The following KCTD20 variants were observed in gnomAD, a reference collection of about 807,000 sequenced individuals.
KCTD20 encodes potassium channel tetramerization domain containing 20, also known as BTB/POZ domain-containing protein KCTD20.
In KCTD20, 30 loss-of-function variants were observed where a neutral mutation model predicts 39.6. That is an observed-to-expected ratio of 0.76 (90% CI 0.57 to 1.03). KCTD20 has a LOEUF of 1.03. KCTD20 is among the 50% of genes least tolerant of loss of function. The pLI, the probability that KCTD20 is intolerant of heterozygous loss-of-function variation, is 0.00. For synonymous variants in KCTD20, 162 were observed against 180.6 expected (o/e 0.90, Z 0.83); for missense variants, 422 against 522.0 (o/e 0.81, Z 1.87).
rs952332782 is a variant in KCTD20 at position 36,488,177 on chromosome 6, G to A, written c.*1002G>A. ...TCATCTGCACAGTCCCTGTCCTAGTGCAGGACTTTTCTCTGTATGTTTTCA... is the reference window on the plus strand; with the variant it reads ...TCATCTGCACAGTCCCTGTCCTAGTACAGGACTTTTCTCTGTATGTTTTCA... On this transcript the variant is annotated 3_prime_UTR_variant, in exon 8 of 8. Coordinates refer to ENST00000373731, the MANE Select transcript of KCTD20 (RefSeq NM_173562.5). The A allele has an allele frequency of 9.9e-5, 15 of 152,216 alleles. 1 individual carries two copies. Among genetic ancestry groups the A allele is most frequent in the Non-Finnish European group, 5.9e-5 (4 of 68,054 alleles). 9.4% of individuals were successfully genotyped at this position (152,216 alleles called of 1,614,324 possible).
At chr6:36,466,173 C>T (rs1329607843) in intron 1 of KCTD20, among the ~76,000 whole-genome samples, 2 of 151,596 alleles carry the variant, frequency 1.3e-5, no homozygotes, top group African/African-American at 4.8e-5. Flanking sequence ...AGCAATTCTC[C>T]TGCCTCAGCC....
intron 1 of KCTD20, among the ~76,000 whole-genome samples, chr6:36,467,426 C>T (rs1485101141): frequency 1.0e-4 from 13 of 130,282 alleles, no homozygotes; most frequent in Admixed American, 8.6e-4. Flanking sequence ...GCAACCTCCA[C>T]CTCCCAGGTT....
At chr6:36,478,046 G>C (rs1289562361) in intron 3 of KCTD20, among the ~76,000 whole-genome samples, 2 of 145,452 alleles carry the variant, frequency 1.4e-5, no homozygotes, top group Non-Finnish European at 3.0e-5. Context: ...AGTGAGCCGA[G>C]ATCGCGCCAC....
intron 6 of KCTD20, among the ~76,000 whole-genome samples, chr6:36,483,264 T>G (rs1776313380): frequency 3.5e-5 from 2 of 57,044 alleles, no homozygotes; most frequent in Non-Finnish European, 5.9e-5. Context: ...TGGCTTTTTC[T>G]TTTTTTTTTT....
At chr6:36,467,621 C>A (rs1373712965) in intron 1 of KCTD20, among the ~76,000 whole-genome samples, 2 of 151,786 alleles carry the variant, frequency 1.3e-5, no homozygotes, top group Non-Finnish European at 2.9e-5. Flanking sequence ...CAGGTGTGAG[C>A]CACCGTGCCT....
At position 36,489,368 on chromosome 6, in the gene KCTD20, TTGAG is replaced by T. The variant is rs891319102; in HGVS notation, c.*2195_*2198del. 162 of 152,274 alleles carry T rather than the reference TTGAG, an allele frequency of 1.1e-3. No homozygotes were observed. The highest frequency in any genetic ancestry group is 3.4e-3 in the African/African-American group (143 of 41,532). 9.4% of individuals were successfully genotyped at this position (152,274 alleles called of 1,614,324 possible). A position where few individuals can be genotyped will look rare whatever the true frequency, so the allele number is the denominator to read the frequency against. ...CTTTACTTTGCTCAGGCTTTCAAGA[TTGAG>T]TCTTTTTTCCCCCAAATTAGGTTAA... On this transcript the variant is annotated 3_prime_UTR_variant, in exon 8 of 8. Transcript: ENST00000373731.
intron 1 of KCTD20, among the ~76,000 whole-genome samples, chr6:36,456,254 G>A (rs1582314481): frequency 6.6e-6 from 1 of 152,070 alleles, no homozygotes; most frequent in Non-Finnish European, 1.5e-5. Context: ...ACCAGCCTGG[G>A]CAACATAGCA....
intron 1 of KCTD20, among the ~76,000 whole-genome samples, chr6:36,459,241 G>A (rs1775530579): frequency 1.3e-5 from 2 of 152,194 alleles, no homozygotes; most frequent in East Asian, 3.9e-4. Flanking sequence ...GAACTCGGAG[G>A]CAGAGGTTGT....
chr6:36,444,627 A>G (rs1397706463), intron 1 of KCTD20, among the ~76,000 whole-genome samples: 1 of 152,220 alleles, frequency 6.6e-6, no homozygotes, highest in Non-Finnish European at 1.5e-5. Context: ...ATGTAGCAGT[A>G]CTAGTAGCAT....
chr6:36,466,708 C>T (rs62402189), intron 1 of KCTD20, among the ~76,000 whole-genome samples: 1 of 151,484 alleles, frequency 6.6e-6, no homozygotes, highest in African/African-American at 2.4e-5. Flanking sequence ...TTTTTTTCCC[C>T]GCCTTCAATC....
At chr6:36,482,809 C>T (rs1161750209) in intron 6 of KCTD20, among the ~76,000 whole-genome samples, 4 of 151,228 alleles carry the variant, frequency 2.6e-5, no homozygotes, top group South Asian at 2.1e-4. Context: ...AGCTGGGCGT[C>T]GTGGCTCATG....
chr6:36,446,024 G>GTTTT (rs553882182), intron 1 of KCTD20, among the ~76,000 whole-genome samples: 3 of 126,524 alleles, frequency 2.4e-5, no homozygotes, highest in African/African-American at 3.0e-5. Context: ...TATGAACTCA[G>GTTTT]TTTTTTTTTT....
chr6:36,484,729 A>C lies in KCTD20; in HGVS notation c.872A>C (p.Lys291Thr), dbSNP rs1776364671. 1 of 1,582,148 alleles carries C rather than the reference A, an allele frequency of 6.3e-7. No homozygotes were observed. Among genetic ancestry groups the C allele is most frequent in the Non-Finnish European group, 8.6e-7 (1 of 1,156,314 alleles). ...TCTTTTTCAGTTCTTTATAGCTCCA[A>C]GCTCTACAGATTCTTCAAATATATT... ...EEYSQILYSS[K>T]LYRFFKYIEN... The change falls in exon 7 of 8, where the codon AAG becomes ACG. Residue 291 changes from lysine (K) to threonine (T), a missense_variant. Coordinates refer to ENST00000373731, the MANE Select transcript of KCTD20 (RefSeq NM_173562.5).
At chr6:36,461,154 TTAAGA>T (rs987543720) in intron 1 of KCTD20, among the ~76,000 whole-genome samples, 6 of 152,210 alleles carry the variant, frequency 3.9e-5, no homozygotes, top group African/African-American at 1.4e-4. Context: ...TGATTCTCAT[TTAAGA>T]TATGTTCTTG....
At chr6:36,478,101 AAAAAG>A (rs1554163105) in intron 3 of KCTD20, among the ~76,000 whole-genome samples, 1 of 145,702 alleles carries the variant, frequency 6.9e-6, no homozygotes, top group Non-Finnish European at 1.5e-5. Flanking sequence ...TCTCAAAAAA[AAAAAG>A]AAAAGAAAAG....
chr6:36,443,622 C>T (rs956700372), intron 1 of KCTD20: 6 of 152,240 alleles, frequency 3.9e-5, no homozygotes, highest in African/African-American at 1.4e-4. Flanking sequence ...TTCCCTGCCA[C>T]CCGCAAATTG....
intron 2 of KCTD20, 133 bp from the exon 3 acceptor site, chr6:36,474,656 T>G (rs1036117385): frequency 2.1e-5 from 14 of 677,276 alleles, no homozygotes; most frequent in East Asian, 6.2e-5. Context: ...AGGCAAGAGG[T>G]TTTTTTTTGC....
chr6:36,448,498 G>A (rs1308464047), intron 1 of KCTD20, among the ~76,000 whole-genome samples: 2 of 152,084 alleles, frequency 1.3e-5, no homozygotes, highest in African/African-American at 4.8e-5. Context: ...CAGGGAGAAC[G>A]TGAAATTTAA....
chr6:36,474,268 C>T (rs1200708147), intron 2 of KCTD20, among the ~76,000 whole-genome samples: 2 of 139,240 alleles, frequency 1.4e-5, no homozygotes, highest in South Asian at 2.3e-4. Flanking sequence ...TATTCCCCTT[C>T]CTAAAATTTT....
Sources: gnomAD v4.1 joint callset for allele counts (sites outside exome capture counted in the v4.1 genomes callset) on GRCh38, gnomAD v4.1.1 for gene constraint, MANE v1.5 for transcripts, NCBI Gene and HGNC (gene_info 2026-07-23, HGNC 2026-07-21) for gene names.